MEMO1: variants seen among roughly 807,000 people sequenced by gnomAD.
MEMO1 encodes the protein mediator of cell motility 1, also known as protein MEMO1.
In MEMO1, 6 loss-of-function variants were observed where a neutral mutation model predicts 45.2. That is an observed-to-expected ratio of 0.13 (90% CI 0.07 to 0.26). The LOEUF is 0.26. MEMO1 is among the 10% of genes least tolerant of loss of function. MEMO1 has a pLI of 1.00. For synonymous variants in MEMO1, 78 were observed against 124.3 expected (o/e 0.63, Z 2.48); for missense variants, 184 against 370.5 (o/e 0.50, Z 4.13).
At chr2:32,002,168 A>AATATATAT (rs1553383011) in intron 2 of MEMO1, among the ~76,000 whole-genome samples, 85 of 74,882 alleles carry the variant, frequency 1.1e-3, no homozygotes, top group Middle Eastern at 0.01. Context: ...AAAAAAAAAA[A>AATATATAT]ATATATATAT....
chr2:32,001,528 G>T (rs1673316242), intron 2 of MEMO1, among the ~76,000 whole-genome samples: 1 of 152,062 alleles, frequency 6.6e-6, no homozygotes, highest in Non-Finnish European at 1.5e-5. Context: ...ATTCCAAATA[G>T]TTCAACTTCT....
chr2:31,896,680 A>G lies in MEMO1; in HGVS notation c.438-4546T>C, dbSNP rs140857165. 9.6e-3 allele frequency among the ~76,000 whole-genome samples: 1,468 copies of G among 152,314 alleles called. 24 individuals are homozygous for G. The highest frequency in any genetic ancestry group is 0.034 in the African/African-American group (1,410 of 41,566). On this transcript the variant is annotated intron_variant, in intron 6 of 9. Transcript: ENST00000404530. ...GAAAAAAAGTTGATAACTGAATTTA[A>G]CAAAATGAAAAACTTCTGCTCTTCA...
chr2:31,890,837 T>C (rs1254922473), intron 7 of MEMO1, among the ~76,000 whole-genome samples: 3 of 152,128 alleles, frequency 2.0e-5, no homozygotes, highest in African/African-American at 4.8e-5. Flanking sequence ...CCAAACCATA[T>C]CCCAGTTGTG....
intron 6 of MEMO1, chr2:31,893,348 C>T: frequency 8.6e-7 from 1 of 1,156,600 alleles, no homozygotes; most frequent in African/African-American, 1.7e-5. Flanking sequence ...AAAAAGGAAG[C>T]TGGCAGAGGA....
chr2:31,963,037 A>C (rs1397802880), intron 2 of MEMO1: 3 of 1,253,736 alleles, frequency 2.4e-6, no homozygotes, highest in Non-Finnish European at 3.2e-6. Flanking sequence ...ACAACATCAG[A>C]TTTCTTCTGC....
At chr2:31,914,609 T>C (rs1681132670) in intron 6 of MEMO1, among the ~76,000 whole-genome samples, 1 of 152,050 alleles carries the variant, frequency 6.6e-6, no homozygotes, top group South Asian at 2.1e-4. Flanking sequence ...ACCCCATATA[T>C]ACACCATGCA....
At chr2:31,875,940 GC>G (rs1674494332) in intron 8 of MEMO1, among the ~76,000 whole-genome samples, 1 of 151,904 alleles carries the variant, frequency 6.6e-6, no homozygotes, top group South Asian at 2.1e-4. Context: ...GCTCGCCTCG[GC>G]CCCCCAAACT....
chr2:31,959,658 CA>C (rs576133680), intron 2 of MEMO1, among the ~76,000 whole-genome samples: 4 of 149,820 alleles, frequency 2.7e-5, no homozygotes, highest in Admixed American at 6.7e-5. Context: ...AAAACTACTC[CA>C]AAAAAAAATG....
intron 2 of MEMO1, among the ~76,000 whole-genome samples, chr2:31,957,462 A>C (rs1293699225): frequency 6.6e-6 from 1 of 152,216 alleles, no homozygotes; most frequent in Non-Finnish European, 1.5e-5. Flanking sequence ...AAATGCATAA[A>C]ACCAAACTTT....
chr2:31,977,278 T>C (rs1670114080), intron 2 of MEMO1, among the ~76,000 whole-genome samples: 2 of 152,152 alleles, frequency 1.3e-5, no homozygotes, highest in Non-Finnish European at 1.5e-5. Flanking sequence ...TCATTTTCTG[T>C]GTAGACAGAC....
chr2:32,008,324 G>A (rs980017471), intron 2 of MEMO1, among the ~76,000 whole-genome samples: 2 of 152,222 alleles, frequency 1.3e-5, no homozygotes, highest in African/African-American at 2.4e-5. Flanking sequence ...AGTGGCTCAC[G>A]CCGGTAATCC....
chr2:31,951,130 C>T (rs1240046860), intron 2 of MEMO1, among the ~76,000 whole-genome samples: 1 of 152,152 alleles, frequency 6.6e-6, no homozygotes, highest in Non-Finnish European at 1.5e-5. Context: ...GATGGTACAC[C>T]TTCTGTAATT....
intron 4 of MEMO1, among the ~76,000 whole-genome samples, chr2:31,930,706 C>T (rs1000788505): frequency 6.6e-6 from 1 of 151,786 alleles, no homozygotes; most frequent in African/African-American, 2.4e-5. Context: ...AGTGCGGTGG[C>T]GCGATCTTGG....
intron 6 of MEMO1, among the ~76,000 whole-genome samples, chr2:31,902,761 T>G (rs1679057444): frequency 6.6e-6 from 1 of 152,148 alleles, no homozygotes; most frequent in Non-Finnish European, 1.5e-5. Context: ...TTTTGTTTTT[T>G]TTTGTTTAGA....
At chr2:31,987,890 T>C (rs564123775) in intron 2 of MEMO1, among the ~76,000 whole-genome samples, 21 of 152,270 alleles carry the variant, frequency 1.4e-4, no homozygotes, top group African/African-American at 5.1e-4. Flanking sequence ...TCCTTCACCA[T>C]ACTTTGAGGT....
At chr2:31,999,554 C>T (rs2148586767) in intron 2 of MEMO1, among the ~76,000 whole-genome samples, 1 of 152,228 alleles carries the variant, frequency 6.6e-6, no homozygotes, top group East Asian at 1.9e-4. Context: ...CCTGTAGTCC[C>T]AGCTACTCAG....
At chr2:31,996,074 A>G (rs1672560180) in intron 2 of MEMO1, among the ~76,000 whole-genome samples, 1 of 152,106 alleles carries the variant, frequency 6.6e-6, no homozygotes, top group Non-Finnish European at 1.5e-5. Context: ...ATATCCCAAT[A>G]TGCACACCAA....
intron 2 of MEMO1, among the ~76,000 whole-genome samples, chr2:32,001,892 A>G (rs1476345266): frequency 6.6e-6 from 1 of 152,024 alleles, no homozygotes; most frequent in Non-Finnish European, 1.5e-5. Context: ...TCACACCTGC[A>G]ATCCCAGCGC....
intron 2 of MEMO1, among the ~76,000 whole-genome samples, chr2:31,984,368 C>T (rs1572892749): frequency 6.6e-6 from 1 of 152,152 alleles, no homozygotes; most frequent in South Asian, 2.1e-4. Context: ...AATGAAGGAA[C>T]ATTTCACAAA....
Sources: allele counts gnomAD v4.1 joint callset (sites outside exome capture counted in the v4.1 genomes callset), GRCh38; gene constraint gnomAD v4.1.1; transcripts MANE v1.5; gene names NCBI Gene and HGNC (gene_info 2026-07-23, HGNC 2026-07-21).